Variants in KPRP observed in about 807,000 individuals in gnomAD.
The protein encoded by KPRP is keratinocyte proline rich protein, also known as keratinocyte proline-rich protein.
For synonymous variants in KPRP, 282 were observed against 276.9 expected (o/e 1.02, Z -0.18); for missense variants, 820 against 746.4 (o/e 1.10, Z -1.15).
At chr1:152,759,443 TG>T, upstream of KPRP, 1 of 1,360,780 alleles carries the variant, frequency 7.3e-7, no homozygotes, top group Non-Finnish European at 9.7e-7. Context: ...TCAGGACACT[TG>T]GATGAAAGTT....
chr1:152,760,551 T>C lies in KPRP; in HGVS notation c.963T>C (p.Arg321=), dbSNP rs368000052. 40 of 1,610,566 alleles carry C rather than the reference T, an allele frequency of 2.5e-5. No homozygotes were observed. The African/African-American group carries it at 4.0e-4, about 16-fold the overall frequency. The stretch of plus-strand genomic sequence containing the variant: ...CCATTTCAAGCTGCTCTCAGAGACG[T>C]GGCCCCAAGTGCCGAATCGAGATTT... Residue 321 remains arginine (R), a synonymous_variant, in exon 1 of 1, where the codon CGT becomes CGC. Transcript: ENST00000606109.
exon 1 of KPRP, chr1:152,761,254 G>C (rs1651123592): frequency 6.2e-7 from 1 of 1,614,048 alleles, no homozygotes; most frequent in Admixed American, 1.7e-5. Flanking sequence ...AGAGCGGAGG[G>C]GTCAGGATGG....
At chr1:152,760,125 C>A (rs1481510023) in exon 1 of KPRP, 3 of 1,614,060 alleles carry the variant, frequency 1.9e-6, no homozygotes, top group Non-Finnish European at 2.5e-6. Context: ...GAAGATTCTC[C>A]ACCCAGTGCC....
At chr1:152,761,419 T>C (rs1221854784) in exon 1 of KPRP, 1 of 1,484,694 alleles carries the variant, frequency 6.7e-7, no homozygotes, top group Non-Finnish European at 9.0e-7. Flanking sequence ...TTTGAATCTC[T>C]CCAAAGATAT....
At chr1:152,760,182 G>T (rs771430888) in exon 1 of KPRP, 2 of 1,613,916 alleles carry the variant, frequency 1.2e-6, no homozygotes, top group African/African-American at 2.7e-5. Context: ...TTCAGTCAAG[G>T]GCTACCTGCA....
At chr1:152,761,818 C>G (rs1043992567) in exon 1 of KPRP, 1 of 171,162 alleles carries the variant, frequency 5.8e-6, no homozygotes, top group Non-Finnish European at 1.4e-5. Flanking sequence ...CTGGTGACAT[C>G]TCTTGAATTG....
exon 1 of KPRP, chr1:152,761,405 C>T: frequency 2.6e-6 from 4 of 1,513,894 alleles, no homozygotes; most frequent in Non-Finnish European, 3.5e-6. Flanking sequence ...CCAGTACGCT[C>T]TTGTTTGAAT....
exon 1 of KPRP, chr1:152,760,464 T>C (rs1381874673): frequency 6.2e-7 from 1 of 1,613,646 alleles, no homozygotes; most frequent in South Asian, 1.1e-5. Context: ...AAGGTTTCCC[T>C]AACTACTGCA....
At chr1:152,760,662 C>T (rs138176314) in exon 1 of KPRP, 70 of 1,612,040 alleles carry the variant, frequency 4.3e-5, no homozygotes, top group Admixed American at 2.7e-4. Context: ...AGAGCTGTGG[C>T]CCGCAGCCCT....
At chr1:152,759,602 A>G (rs756514250) in exon 1 of KPRP, 1 of 1,613,894 alleles carries the variant, frequency 6.2e-7, no homozygotes, top group South Asian at 1.1e-5. Context: ...TGTGACCAGC[A>G]GCAGATCCAG....
chr1:152,761,539 G>T (rs553071933), exon 1 of KPRP: 12 of 852,986 alleles, frequency 1.4e-5, no homozygotes, highest in Non-Finnish European at 1.9e-5. Context: ...CTCCTCGCCC[G>T]TACGCATCCT....
At chr1:152,761,269 G>A (rs771992797) in exon 1 of KPRP, 20 of 1,614,072 alleles carry the variant, frequency 1.2e-5, no homozygotes, top group Non-Finnish European at 1.5e-5. Context: ...GGATGGCCAT[G>A]GAGACCAAGG....
At chr1:152,759,164 G>A (rs193272725), upstream of KPRP, among the ~76,000 whole-genome samples, 1,204 of 152,324 alleles carry the variant, frequency 7.9e-3, 9 homozygotes, top group Middle Eastern at 0.014. Flanking sequence ...ACATGTGTGA[G>A]TAAATCCAAG....
chr1:152,760,574 T>C (rs138485204), exon 1 of KPRP: 35 of 1,609,148 alleles, frequency 2.2e-5, no homozygotes, highest in Non-Finnish European at 2.9e-5. Flanking sequence ...CGAATCGAGA[T>C]TTCCTCCCCG....
chr1:152,761,219 G>A, exon 1 of KPRP: 1 of 1,614,210 alleles, frequency 6.2e-7, no homozygotes, highest in Non-Finnish European at 8.5e-7. Flanking sequence ...AGTGGTGCTG[G>A]CTGTGGGCCT....
At chr1:152,760,737 T>C (rs1416418778) in exon 1 of KPRP, 6 of 1,614,062 alleles carry the variant, frequency 3.7e-6, no homozygotes, top group Non-Finnish European at 5.1e-6. Flanking sequence ...CAAGCTTCTG[T>C]CCACCACGGC....
chr1:152,760,541 C>G (rs1651085778), exon 1 of KPRP: 2 of 1,611,302 alleles, frequency 1.2e-6, no homozygotes, highest in Non-Finnish European at 8.5e-7. Context: ...TCAAGCTGCT[C>G]TCAGAGACGT....
Position 152,760,129 on chromosome 1 carries a change from C to T in KPRP, c.541C>T (p.Gln181Ter), listed in dbSNP as rs988541125. Residue 181 changes from glutamine (Q) to a stop codon, truncating the protein, a stop_gained, in exon 1 of 1, where the codon CAG (glutamine) becomes TAG (stop). Coordinates refer to ENST00000606109, the Ensembl canonical transcript of KPRP. LOFTEE classifies it low-confidence loss of function (END_TRUNC). ...CCAGCCTCAGGGAAGATTCTCCACCCAGTGCCAGTATCAAGGCTCCTATAG... is the reference window on the plus strand; with the variant it reads ...CCAGCCTCAGGGAAGATTCTCCACCTAGTGCCAGTATCAAGGCTCCTATAG... 6.2e-7 allele frequency: 1 copy of T among 1,614,176 alleles called. No homozygotes were observed. Among genetic ancestry groups the T allele is most frequent in the Non-Finnish European group, 8.5e-7 (1 of 1,180,042 alleles).
chr1:152,760,883 T>C, exon 1 of KPRP: 1 of 1,614,168 alleles, frequency 6.2e-7, no homozygotes, highest in South Asian at 1.1e-5. Context: ...GAACCTTGTT[T>C]GTATCCAGAA....
Sources: allele counts gnomAD v4.1 joint callset (sites outside exome capture counted in the v4.1 genomes callset), GRCh38; gene constraint gnomAD v4.1.1; transcripts MANE v1.5; gene names NCBI Gene and HGNC (gene_info 2026-07-23, HGNC 2026-07-21).